The following NKAIN2 variants were observed in gnomAD, a reference collection of about 807,000 sequenced individuals.
NKAIN2 encodes sodium/potassium-transporting ATPase subunit beta-1-interacting protein 2.
In NKAIN2, 14 loss-of-function variants were observed where a neutral mutation model predicts 32.6. That is an observed-to-expected ratio of 0.43 (90% CI 0.28 to 0.67). NKAIN2 has a LOEUF of 0.67. NKAIN2 is among the 30% of genes least tolerant of loss of function. The pLI, the probability that NKAIN2 is intolerant of heterozygous loss-of-function variation, is 0.17. For synonymous variants in NKAIN2, 80 were observed against 87.2 expected (o/e 0.92, Z 0.46); for missense variants, 198 against 258.3 (o/e 0.77, Z 1.60).
At chr6:124,021,411 C>G (rs994141552) in intron 1 of NKAIN2, among the ~76,000 whole-genome samples, 1 of 151,918 alleles carries the variant, frequency 6.6e-6, no homozygotes, top group Non-Finnish European at 1.5e-5. Flanking sequence ...TTTCTCCTAT[C>G]AAGACTTAAA....
chr6:124,000,651 C>G (rs1272514305), intron 1 of NKAIN2, among the ~76,000 whole-genome samples: 1 of 151,940 alleles, frequency 6.6e-6, no homozygotes, highest in Non-Finnish European at 1.5e-5. Context: ...CAAAAATATA[C>G]TCTGTAGGGT....
chr6:124,391,349 G>A (rs1290488897), intron 3 of NKAIN2, among the ~76,000 whole-genome samples: 1 of 152,114 alleles, frequency 6.6e-6, no homozygotes, highest in African/African-American at 2.4e-5. Context: ...CTGTCCTCTT[G>A]CCTTTTTGTT....
intron 3 of NKAIN2, among the ~76,000 whole-genome samples, chr6:124,525,367 G>A (rs143649309): frequency 6.6e-6 from 1 of 151,930 alleles, no homozygotes; most frequent in East Asian, 1.9e-4. Context: ...TATTATTAAC[G>A]GTAGAAAAGT....
chr6:124,452,927 G>T (rs62437471), intron 3 of NKAIN2, among the ~76,000 whole-genome samples: 7,826 of 152,104 alleles, frequency 0.051, 291 homozygotes, highest in Non-Finnish European at 0.066. Context: ...ACAATTAGTT[G>T]AGTGGTTTGG....
intron 3 of NKAIN2, among the ~76,000 whole-genome samples, chr6:124,529,231 A>C (rs1779430496): frequency 6.6e-6 from 1 of 152,192 alleles, no homozygotes; most frequent in African/African-American, 2.4e-5. Flanking sequence ...AAGATGAGCA[A>C]CCAAACAAAA....
chr6:123,969,924 C>G (rs1376229200), intron 1 of NKAIN2, among the ~76,000 whole-genome samples: 1 of 152,024 alleles, frequency 6.6e-6, no homozygotes, highest in Non-Finnish European at 1.5e-5. Flanking sequence ...AAGACATTCA[C>G]TTATAGTGGA....
intron 1 of NKAIN2, among the ~76,000 whole-genome samples, chr6:124,282,572 A>G (rs766450081): frequency 6.6e-6 from 1 of 152,196 alleles, no homozygotes; most frequent in Non-Finnish European, 1.5e-5. Context: ...CTCTTGCTAA[A>G]GATTTCTTTT....
At chr6:124,629,730 A>G (rs946031808) in intron 3 of NKAIN2, among the ~76,000 whole-genome samples, 2 of 152,152 alleles carry the variant, frequency 1.3e-5, no homozygotes, top group South Asian at 2.1e-4. Context: ...CCAGAAGCCC[A>G]TTTTAGTCAA....
chr6:124,710,417 G>T (rs985391895), intron 4 of NKAIN2, among the ~76,000 whole-genome samples: 1 of 150,560 alleles, frequency 6.6e-6, no homozygotes, highest in Non-Finnish European at 1.5e-5. Context: ...TCTGTCTAAT[G>T]TTGACAGTGG....
chr6:123,992,049 C>T (rs1227873918), intron 1 of NKAIN2, among the ~76,000 whole-genome samples: 1 of 151,890 alleles, frequency 6.6e-6, no homozygotes, highest in African/African-American at 2.4e-5. Flanking sequence ...ATAACAAAAA[C>T]AACAAAGAAA....
chr6:124,403,708 C>A (rs555057377), intron 3 of NKAIN2, among the ~76,000 whole-genome samples: 36 of 152,182 alleles, frequency 2.4e-4, no homozygotes, highest in African/African-American at 7.9e-4. Context: ...GGAGAGAAAT[C>A]AAAAACAGAT....
intron 1 of NKAIN2, among the ~76,000 whole-genome samples, chr6:124,108,104 G>T (rs1785201286): frequency 6.6e-6 from 1 of 152,044 alleles, no homozygotes; most frequent in Non-Finnish European, 1.5e-5. Context: ...CACACTGTTT[G>T]CCATAGAAGA....
Position 123,845,674 on chromosome 6 carries a change from T to A in NKAIN2, c.54+41420T>A, listed in dbSNP as rs544364012. Among the ~76,000 whole-genome samples, 25 of 152,288 alleles carry A rather than the reference T, an allele frequency of 1.6e-4. No homozygotes were observed. In the South Asian group the frequency reaches 3.9e-3, roughly 24 times the overall value. ...GAAGGCTGACTTTTATATATGTGGG[T>A]TTTGTAGGTCCGACTGTAGGACTTC... On this transcript the variant is annotated intron_variant, in intron 1 of 6. Transcript: ENST00000368417.
intron 3 of NKAIN2, among the ~76,000 whole-genome samples, chr6:124,628,889 C>G (rs920342220): frequency 6.6e-6 from 1 of 152,012 alleles, no homozygotes; most frequent in Non-Finnish European, 1.5e-5. Context: ...ACAAATATTA[C>G]TACAAAAAAG....
At chr6:124,441,315 A>T (rs1227088958) in intron 3 of NKAIN2, among the ~76,000 whole-genome samples, 1 of 152,096 alleles carries the variant, frequency 6.6e-6, no homozygotes, top group East Asian at 1.9e-4. Flanking sequence ...CAATCAAGAG[A>T]AATGTGGTAG....
intron 1 of NKAIN2, among the ~76,000 whole-genome samples, chr6:123,947,818 G>C (rs1202798557): frequency 6.6e-6 from 1 of 151,910 alleles, no homozygotes; most frequent in Non-Finnish European, 1.5e-5. Context: ...GTTAACTATA[G>C]TCACCCTACT....
intron 4 of NKAIN2, among the ~76,000 whole-genome samples, chr6:124,749,415 A>G (rs1028049016): frequency 6.6e-6 from 1 of 151,902 alleles, no homozygotes; most frequent in African/African-American, 2.4e-5. Context: ...TAGGGGATGG[A>G]CGTATTTGGG....
At chr6:124,116,922 T>A (rs1451002521) in intron 1 of NKAIN2, among the ~76,000 whole-genome samples, 2 of 152,090 alleles carry the variant, frequency 1.3e-5, no homozygotes, top group Admixed American at 1.3e-4. Flanking sequence ...AGATATACTC[T>A]TTCACAGATA....
intron 3 of NKAIN2, among the ~76,000 whole-genome samples, chr6:124,595,063 A>G: frequency 6.6e-6 from 1 of 152,230 alleles, no homozygotes; most frequent in Non-Finnish European, 1.5e-5. Flanking sequence ...AGTTTGAAAT[A>G]AAAGCAGAAT....
Sources: gnomAD v4.1 joint callset for allele counts (sites outside exome capture counted in the v4.1 genomes callset) on GRCh38, gnomAD v4.1.1 for gene constraint, MANE v1.5 for transcripts, NCBI Gene and HGNC (gene_info 2026-07-23, HGNC 2026-07-21) for gene names.